Variants in MEGF9 observed in about 807,000 individuals in gnomAD.
MEGF9 encodes multiple epidermal growth factor-like domains protein 9.
MEGF9 carries 6 observed loss-of-function variants against 46.8 expected under a neutral mutation model. The ratio of observed to expected loss-of-function variants is 0.13; its 90% CI spans 0.07 to 0.25. MEGF9 has a LOEUF of 0.25. Ranked by LOEUF, MEGF9 falls within the 10% of genes least tolerant of loss-of-function variation. MEGF9 has a pLI of 1.00. For missense variants in MEGF9, 683 were observed against 792.4 expected, an observed-to-expected ratio of 0.86 and a Z score of 1.66; for synonymous variants, 302 against 330.7, an observed-to-expected ratio of 0.91 and a Z score of 0.94.
intron 1 of MEGF9, among the ~76,000 whole-genome samples, chr9:120,699,556 A>G (rs2197251): frequency 0.044 from 6,400 of 145,146 alleles, 438 homozygotes; most frequent in African/African-American, 0.15. Context: ...CATGTCTACA[A>G]TTTTTTTTTT....
At chr9:120,633,198 T>G (rs577880322) in intron 2 of MEGF9, among the ~76,000 whole-genome samples, 5 of 152,308 alleles carry the variant, frequency 3.3e-5, no homozygotes, top group Admixed American at 3.3e-4. Flanking sequence ...TTGGTAGAAT[T>G]TGGCTATGAA....
In MEGF9 at chr9:120,625,807, C is replaced by A. The variant is rs371584724; in HGVS notation, c.804-3052G>T. Among the ~76,000 whole-genome samples, 124 of 135,818 alleles carry A rather than the reference C, an allele frequency of 9.1e-4. 1 individual carries two copies. The highest frequency in any genetic ancestry group is 3.3e-3 in the African/African-American group (119 of 35,538). 89.1% of individuals were successfully genotyped at this position (135,818 alleles called of 152,430 possible). On this transcript the variant is annotated intron_variant, in intron 2 of 5. Transcript: ENST00000373930. Reference sequence around the variant, plus strand: ...CAAGATTGCGCCACTGCACTCCAGCCTGGGTGACAGCAAGACTCTGTCTCA... The same window carrying A: ...CAAGATTGCGCCACTGCACTCCAGCATGGGTGACAGCAAGACTCTGTCTCA...
At chr9:120,623,615 G>A (rs1204748053) in intron 2 of MEGF9, among the ~76,000 whole-genome samples, 2 of 152,156 alleles carry the variant, frequency 1.3e-5, no homozygotes, top group African/African-American at 4.8e-5. Context: ...ATGAATCTAT[G>A]AATCTTAAGT....
In MEGF9 at chr9:120,690,007, A is replaced by G. The variant is rs12237717; in HGVS notation, c.601+23751T>C. On this transcript the variant is annotated intron_variant, in intron 1 of 5. Coordinates refer to ENST00000373930, the MANE Select transcript of MEGF9 (RefSeq NM_001080497.3). ...TACTTGCTTTTCAGCTGAATAAACAAAGACAGACAATGAGGGTAATGTGGC... is the reference window on the plus strand; with the variant it reads ...TACTTGCTTTTCAGCTGAATAAACAGAGACAGACAATGAGGGTAATGTGGC... 5.5e-4 allele frequency: 288 copies of G among 525,792 alleles called. 3 individuals carry two copies. In the East Asian group the frequency reaches 0.012, roughly 21 times the overall value. The allele number at this position is 525,792 out of a possible 1,614,324, so 32.6% of individuals were successfully genotyped here. A position where few individuals can be genotyped will look rare whatever the true frequency, so the allele number is the denominator to read the frequency against.
intron 2 of MEGF9, among the ~76,000 whole-genome samples, chr9:120,634,446 CTTT>C (rs1158273579): frequency 7.7e-4 from 36 of 46,910 alleles, no homozygotes; most frequent in Admixed American, 1.0e-3. Context: ...TGTGGAATAT[CTTT>C]TTTTTTTTTT....
chr9:120,689,166 G>T (rs1355090472), intron 1 of MEGF9, among the ~76,000 whole-genome samples: 1 of 152,196 alleles, frequency 6.6e-6, no homozygotes, highest in East Asian at 1.9e-4. Flanking sequence ...TTTGCACATG[G>T]AGAACCACCT....
chr9:120,687,669 AC>A (rs2043828995), intron 1 of MEGF9, among the ~76,000 whole-genome samples: 1 of 61,486 alleles, frequency 1.6e-5, no homozygotes, highest in African/African-American at 5.6e-5. Flanking sequence ...TGAACACAAC[AC>A]TGTGTGTGTG....
intron 1 of MEGF9, among the ~76,000 whole-genome samples, chr9:120,684,989 C>T (rs943786271): frequency 2.6e-5 from 4 of 152,192 alleles, no homozygotes; most frequent in African/African-American, 9.7e-5. Flanking sequence ...CGCCCACCAC[C>T]ACGCCCAGCT....
At position 120,713,627 on chromosome 9, in the gene MEGF9, TC is replaced by T. The variant is rs1352131338; in HGVS notation, c.601+130del. The T allele has an allele frequency of 3.4e-6, 4 of 1,191,928 alleles. No homozygotes were observed. In the East Asian group the frequency reaches 9.5e-5, roughly 28 times the overall value. 73.8% of individuals were successfully genotyped at this position (1,191,928 alleles called of 1,614,324 possible). A position where few individuals can be genotyped will look rare whatever the true frequency, so the allele number is the denominator to read the frequency against. Reference sequence around the variant, plus strand: ...GGAGGGAGACTAGCTGGACCTGGGATCCCCCCTCGGGAGCCGGAACCTGGGG... The same window carrying T: ...GGAGGGAGACTAGCTGGACCTGGGATCCCCCTCGGGAGCCGGAACCTGGGG... On this transcript the variant is annotated intron_variant, in intron 1 of 5. Transcript: ENST00000373930.
At chr9:120,666,107 A>T (rs138620726) in intron 1 of MEGF9, among the ~76,000 whole-genome samples, 298 of 152,122 alleles carry the variant, frequency 2.0e-3, no homozygotes, top group Middle Eastern at 3.4e-3. Context: ...GGTTTTTTTT[A>T]AAATTTCTGT....
rs2043426629 is a variant in MEGF9 at position 120,607,890 on chromosome 9, T to C, written c.1208A>G (p.His403Arg). ...FDSICRKCQC[H>R]GHVDPVKTPK... is the part of the protein sequence containing the mutation. ...AGTTTTAACTGGGTCCACATGGCCG[T>C]GACATTGGCACTTTCTACAGATGCT... is the stretch of plus-strand genomic sequence containing the variant. Residue 403 changes from histidine to arginine, a missense_variant, in exon 5 of 6, where the codon CAC becomes CGC. His to Arg is a conservative substitution (Grantham distance 29). Around this residue, in one of 2 missense-constraint regions of MEGF9, gnomAD observed 313 missense variants for 421.1 expected, o/e 0.74. Coordinates refer to ENST00000373930, the MANE Select transcript of MEGF9 (RefSeq NM_001080497.3). 3 of 1,614,020 alleles carry C rather than the reference T, an allele frequency of 1.9e-6. No homozygotes were observed. Among genetic ancestry groups the C allele is most frequent in the Non-Finnish European group, 2.5e-6 (3 of 1,179,886 alleles).
intron 1 of MEGF9, among the ~76,000 whole-genome samples, chr9:120,700,393 C>T (rs1231182309): frequency 2.0e-5 from 3 of 152,156 alleles, no homozygotes; most frequent in Non-Finnish European, 4.4e-5. Context: ...TAATACCCAA[C>T]AACTAGATTG....
rs541196591 is a variant in MEGF9, at chr9:120,603,686, C to T, written c.*1504G>A. 1 of 152,172 alleles carries T rather than the reference C, an allele frequency of 6.6e-6. No homozygotes were observed. The highest frequency in any genetic ancestry group is 1.5e-5 in the Non-Finnish European group (1 of 68,032). 9.4% of individuals were successfully genotyped at this position (152,172 alleles called of 1,614,324 possible). On this transcript the variant is annotated 3_prime_UTR_variant, in exon 6 of 6. Coordinates refer to ENST00000373930, the MANE Select transcript of MEGF9 (RefSeq NM_001080497.3). ...CTTGCTTAACCCAAAATGTCAATAT[C>T]ATAATAAACGAGAGCAACAGTAGTT... is the stretch of plus-strand genomic sequence containing the variant.
chr9:120,656,704 T>C (rs936964865), intron 2 of MEGF9, among the ~76,000 whole-genome samples: 7 of 152,212 alleles, frequency 4.6e-5, no homozygotes, highest in African/African-American at 7.2e-5. Flanking sequence ...TGCATTATCC[T>C]GCTTCTTAAG....
chr9:120,643,580 C>T (rs1269686025), intron 2 of MEGF9, among the ~76,000 whole-genome samples: 1 of 152,132 alleles, frequency 6.6e-6, no homozygotes, highest in Non-Finnish European at 1.5e-5. Context: ...CCTTGAATGA[C>T]TGCTTCAAAT....
intron 2 of MEGF9, among the ~76,000 whole-genome samples, chr9:120,637,790 CAAAAAAAAAAAAAA>C (rs34861368): frequency 1.2e-4 from 4 of 34,776 alleles, no homozygotes; most frequent in South Asian, 1.9e-3. Flanking sequence ...GACTCTGTCT[CAAAAAAAAAAAAAA>C]AAAAAAAAAA....
intron 1 of MEGF9, among the ~76,000 whole-genome samples, chr9:120,684,695 T>C (rs1452650552): frequency 6.6e-6 from 1 of 152,172 alleles, no homozygotes; most frequent in African/African-American, 2.4e-5. Context: ...CCACTGATCA[T>C]TCCTGCTCTT....
chr9:120,663,288 T>C (rs755316841), intron 1 of MEGF9, among the ~76,000 whole-genome samples: 1 of 152,206 alleles, frequency 6.6e-6, no homozygotes, highest in Non-Finnish European at 1.5e-5. Flanking sequence ...AATGAAATGA[T>C]GCAAGTTAAA....
intron 2 of MEGF9, among the ~76,000 whole-genome samples, chr9:120,651,364 G>A (rs981564171): frequency 6.6e-6 from 1 of 152,168 alleles, no homozygotes; most frequent in African/African-American, 2.4e-5. Flanking sequence ...GAGAAAGGCT[G>A]TACCAGCATA....
Sources: allele counts gnomAD v4.1 joint callset (sites outside exome capture counted in the v4.1 genomes callset), GRCh38; gene constraint gnomAD v4.1.1; regional missense constraint gnomAD v4.1.1; transcripts MANE v1.5; gene names NCBI Gene and HGNC (gene_info 2026-07-23, HGNC 2026-07-21).